ARHGEF12: variants seen among roughly 807,000 people sequenced by gnomAD.
The protein encoded by ARHGEF12 is KMT2A/ARHGEF12 fusion protein.
A neutral mutation model predicts 211.2 loss-of-function variants in ARHGEF12; 66 were observed. The observed-to-expected ratio is 0.31, with a 90% confidence interval of 0.26 to 0.38. ARHGEF12 has a LOEUF of 0.38. Ranked by LOEUF, ARHGEF12 falls within the 10% of genes least tolerant of loss-of-function variation. The pLI, the probability that ARHGEF12 is intolerant of heterozygous loss-of-function variation, is 1.00. For synonymous variants in ARHGEF12, 592 were observed against 638.4 expected, an observed-to-expected ratio of 0.93 and a Z score of 1.09; for missense variants, 1,429 against 1,869.5, an observed-to-expected ratio of 0.76 and a Z score of 4.34.
At position 120,448,317 on chromosome 11, in the gene ARHGEF12, G is replaced by T; in HGVS notation, c.1706G>T (p.Arg569Leu). ...VKEPRNLEHK[R>L]GRIGFLPKIK... ...GAGCCTCGAAATTTGGAGCACAAAC[G>T]GGGTCGGATTGGATTTCTTCCCAAA... is the stretch of plus-strand genomic sequence containing the variant. Residue 569 changes from arginine to leucine, a missense_variant, in exon 20 of 41, where the codon CGG (arginine) becomes CTG (leucine). Transcript: ENST00000397843. The T allele has an allele frequency of 6.2e-7, 1 of 1,614,106 alleles. No homozygotes were observed. Among genetic ancestry groups the T allele is most frequent in the Non-Finnish European group, 8.5e-7 (1 of 1,179,978 alleles).
chr11:120,457,986 A>G, intron 24 of ARHGEF12, 94 bp from the exon 25 acceptor site: 4 of 1,419,998 alleles, frequency 2.8e-6, no homozygotes, highest in African/African-American at 2.9e-5. Flanking sequence ...AGATTCAGGA[A>G]TCTGATTAGA....
chr11:120,466,089 A>T (rs1157569787), intron 28 of ARHGEF12, among the ~76,000 whole-genome samples: 1 of 152,226 alleles, frequency 6.6e-6, no homozygotes. Flanking sequence ...TGTAAATACA[A>T]ACATGGCCGC....
chr11:120,380,850 T>C (rs1943858415), intron 1 of ARHGEF12, among the ~76,000 whole-genome samples: 2 of 152,256 alleles, frequency 1.3e-5, no homozygotes, highest in Non-Finnish European at 1.5e-5. Context: ...GACTCATGTA[T>C]GTTTATTTTA....
rs770280589 is a variant in ARHGEF12 at position 120,437,397 on chromosome 11, C to T, written c.999+15C>T. 3.1e-6 allele frequency: 5 copies of T among 1,600,772 alleles called. No homozygotes were observed. Among genetic ancestry groups the T allele is most frequent in the Middle Eastern group, 1.7e-4 (1 of 6,046 alleles). On this transcript the variant is annotated intron_variant, in intron 12 of 40. Transcript: ENST00000397843. Reference sequence around the variant, plus strand: ...TTCAGGACACTGTGAGTATGAAATCCATGCAATGATAGTGCTGTCTTTGGC... The same window carrying T: ...TTCAGGACACTGTGAGTATGAAATCTATGCAATGATAGTGCTGTCTTTGGC...
chr11:120,416,137 A>T (rs972486562), intron 4 of ARHGEF12, among the ~76,000 whole-genome samples: 6 of 152,186 alleles, frequency 3.9e-5, no homozygotes, highest in African/African-American at 1.4e-4. Flanking sequence ...TTAATCTGTT[A>T]GGATTCTAGG....
chr11:120,459,456 A>G, intron 26 of ARHGEF12, 136 bp downstream of exon 26: 1 of 941,370 alleles, frequency 1.1e-6, no homozygotes, highest in Non-Finnish European at 1.5e-6. Context: ...TAAAGGAATG[A>G]TTGGAACTTT....
intron 1 of ARHGEF12, among the ~76,000 whole-genome samples, chr11:120,376,773 A>G (rs1943736746): frequency 6.6e-6 from 1 of 152,094 alleles, no homozygotes; most frequent in Non-Finnish European, 1.5e-5. Context: ...GTATCCTTTA[A>G]CAATCCCAAC....
Position 120,467,218 on chromosome 11 carries a change from C to A in ARHGEF12, c.2764C>A (p.Arg922Ser). The A allele has an allele frequency of 6.2e-7, 1 of 1,612,068 alleles. No homozygotes were observed. The highest frequency in any genetic ancestry group is 1.1e-5 in the South Asian group (1 of 90,702). Residue 922 changes from arginine to serine, a missense_variant, in exon 29 of 41, where the codon CGT (arginine) becomes AGT (serine). This residue lies in a region of ARHGEF12 where 223 missense variants were observed against 444.6 expected (regional missense o/e 0.50). Transcript: ENST00000397843. ...VQDAESNPLC[R>S]RLQLKDIIPT... is the part of the protein sequence containing the mutation. ...GGATGCTGAAAGTAATCCACTGTGT[C>A]GTCGTCTTCAACTGAAGGATATTAT...
Position 120,447,890 on chromosome 11 carries a change from G to T in ARHGEF12, c.1606G>T (p.Val536Leu). The change falls in exon 19 of 41, where the codon GTA becomes TTA. Residue 536 changes from valine to leucine, a missense_variant. Val to Leu is a conservative substitution (Grantham distance 32). Coordinates refer to ENST00000397843, the MANE Select transcript of ARHGEF12 (RefSeq NM_015313.3). Reference sequence around the variant, plus strand: ...TTTTTTAAGGATGACTGCTCAGGCTGTAGAGGAAGATAAGAGGTAACATAA... The same window carrying T: ...TTTTTTAAGGATGACTGCTCAGGCTTTAGAGGAAGATAAGAGGTAACATAA... ...IEEVLMTAQA[V>L]EEDKSSTMQY... The T allele has an allele frequency of 6.4e-7, 1 of 1,567,522 alleles. No homozygotes were observed. Among genetic ancestry groups the T allele is most frequent in the South Asian group, 1.2e-5 (1 of 83,028 alleles).
chr11:120,391,506 C>T (rs536146557), intron 1 of ARHGEF12, among the ~76,000 whole-genome samples: 3 of 152,142 alleles, frequency 2.0e-5, no homozygotes, highest in African/African-American at 7.2e-5. Flanking sequence ...CTGGGGAAAC[C>T]CTTTTTCCTT....
At chr11:120,354,737 GAGTAA>G (rs1943084413) in intron 1 of ARHGEF12, among the ~76,000 whole-genome samples, 1 of 152,168 alleles carries the variant, frequency 6.6e-6, no homozygotes, top group Non-Finnish European at 1.5e-5. Context: ...ATCTTTTATT[GAGTAA>G]AGTATTGTTT....
intron 13 of ARHGEF12, 55 bp from the exon 14 acceptor site, chr11:120,441,652 T>G (rs1245076149): frequency 7.1e-7 from 1 of 1,402,744 alleles, no homozygotes; most frequent in Non-Finnish European, 1.0e-6. Flanking sequence ...GAGCCTACTT[T>G]GCATTTAGTA....
Position 120,480,170 on chromosome 11 carries a change from A to G in ARHGEF12, c.3977A>G (p.Tyr1326Cys), listed in dbSNP as rs1465668857. Residue 1326 changes from tyrosine (Y) to cysteine (C), a missense_variant, in exon 38 of 41, where the codon TAC becomes TGC. Around this residue, in one of 7 missense-constraint regions of ARHGEF12, gnomAD observed 467 missense variants for 468.4 expected, o/e 1.00. Transcript: ENST00000397843. ...RTGTGDIATC[Y>C]SPRTSTESFA... ...GGAACTGGTGACATTGCAACTTGTT[A>G]CAGTCCACGGACTTCAACTGAATCT... 6.2e-7 allele frequency: 1 copy of G among 1,614,242 alleles called. No homozygotes were observed. Among genetic ancestry groups the G allele is most frequent in the Non-Finnish European group, 8.5e-7 (1 of 1,180,036 alleles).
chr11:120,478,698 A>G (rs1213250333), intron 37 of ARHGEF12, among the ~76,000 whole-genome samples: 1 of 152,212 alleles, frequency 6.6e-6, no homozygotes, highest in East Asian at 1.9e-4. Context: ...TTTTTAAACC[A>G]GCGTATGACT....
At chr11:120,377,469 T>C (rs1376422300) in intron 1 of ARHGEF12, among the ~76,000 whole-genome samples, 1 of 151,874 alleles carries the variant, frequency 6.6e-6, no homozygotes, top group Non-Finnish European at 1.5e-5. Flanking sequence ...TGCTCCCAAG[T>C]AGCTGAGACC....
intron 27 of ARHGEF12, chr11:120,462,429 G>A (rs1022035842): frequency 6.6e-6 from 1 of 152,168 alleles, no homozygotes; most frequent in Non-Finnish European, 1.5e-5. Flanking sequence ...AGAGTAAAAT[G>A]AAACAGCTTA....
At position 120,336,501 on chromosome 11, in the gene ARHGEF12, C is replaced by G. The variant is rs1022159212; in HGVS notation, c.-743C>G. Reference sequence around the variant, plus strand: ...TCCAGGCCGGGCCGGACGGGCATCTCCCGCCCCTCGCGGGGAGCGTCGGGG... The same window carrying G: ...TCCAGGCCGGGCCGGACGGGCATCTGCCGCCCCTCGCGGGGAGCGTCGGGG... On this transcript the variant is annotated 5_prime_UTR_variant, in exon 1 of 41. Transcript: ENST00000397843. Among the ~76,000 whole-genome samples, 2 of 151,926 alleles carry G rather than the reference C, an allele frequency of 1.3e-5. No homozygotes were observed. The highest frequency in any genetic ancestry group is 4.8e-5 in the African/African-American group (2 of 41,424).
At chr11:120,358,645 G>A (rs1251032222) in intron 1 of ARHGEF12, among the ~76,000 whole-genome samples, 1 of 152,082 alleles carries the variant, frequency 6.6e-6, no homozygotes, top group African/African-American at 2.4e-5. Context: ...AAATAAAATT[G>A]AAAATTCAGT....
chr11:120,395,677 A>C (rs778575180), intron 1 of ARHGEF12, among the ~76,000 whole-genome samples: 9 of 152,024 alleles, frequency 5.9e-5, no homozygotes, highest in Admixed American at 2.6e-4. Context: ...AGGCAAGGAG[A>C]GCTCGTGCAG....
Sources: gnomAD v4.1 joint callset for allele counts (sites outside exome capture counted in the v4.1 genomes callset) on GRCh38, gnomAD v4.1.1 for gene constraint, gnomAD v4.1.1 regional missense constraint, MANE v1.5 for transcripts, NCBI Gene and HGNC (gene_info 2026-07-23, HGNC 2026-07-21) for gene names.